The following RPL9 variants were observed in gnomAD, a reference collection of about 807,000 sequenced individuals.
The protein encoded by RPL9 is ribosomal protein L9.
For synonymous variants in RPL9, 82 were observed against 77.1 expected (o/e 1.06, Z -0.33); for missense variants, 149 against 236.7 (o/e 0.63, Z 2.43).
chr4:39,458,570 A>T (rs946835207), intron 1 of RPL9, 130 bp from the exon 2 acceptor site: 4 of 950,774 alleles, frequency 4.2e-6, no homozygotes, highest in Non-Finnish European at 6.4e-6. Flanking sequence ...AGGACGGGAG[A>T]CCGACAGCGG....
intron 4 of RPL9, 36 bp downstream of exon 4, chr4:39,457,550 C>A (rs1368324530): frequency 6.5e-7 from 1 of 1,546,228 alleles, no homozygotes; most frequent in Non-Finnish European, 8.9e-7. Context: ...AGAAACCTCC[C>A]TTTCCAAAAC....
intron 4 of RPL9, 34 bp from the exon 5 acceptor site, chr4:39,456,572 G>C: frequency 6.2e-7 from 1 of 1,602,222 alleles, no homozygotes; most frequent in Non-Finnish European, 8.5e-7. Flanking sequence ...TATTAGCAAT[G>C]CTGAGGAATA....
intron 1 of RPL9, 68 bp from the exon 2 acceptor site, chr4:39,458,508 A>C (rs1744225861): frequency 1.3e-6 from 2 of 1,527,932 alleles, no homozygotes; most frequent in East Asian, 4.5e-5. Context: ...CGCCGCACAG[A>C]GCTCCACTCC....
intron 4 of RPL9, 198 bp downstream of exon 4, chr4:39,457,388 A>C (rs1388229678): frequency 2.2e-6 from 1 of 455,752 alleles, no homozygotes; most frequent in Admixed American, 3.8e-5. Flanking sequence ...GAAAAAAACA[A>C]ACATGTTGTA....
intron 3 of RPL9, chr4:39,457,973 A>C (rs868471356): frequency 7.3e-6 from 5 of 685,676 alleles, no homozygotes; most frequent in South Asian, 3.1e-5. Flanking sequence ...AACACCATTA[A>C]GACGTGTCAC....
intron 4 of RPL9, chr4:39,457,288 G>A (rs1744129810): frequency 3.9e-6 from 1 of 256,132 alleles, no homozygotes; most frequent in Non-Finnish European, 7.5e-6. Flanking sequence ...CAGTACTATG[G>A]GAGGCCAAGG....
chr4:39,455,401 C>T (rs575546900), intron 5 of RPL9: 1 of 154,886 alleles, frequency 6.5e-6, no homozygotes, highest in South Asian at 2.0e-4. Context: ...CCCCTCCCCA[C>T]CCCAATGGAA....
intron 6 of RPL9, 34 bp downstream of exon 6, chr4:39,454,830 T>A: frequency 1.3e-6 from 2 of 1,596,890 alleles, no homozygotes; most frequent in African/African-American, 2.7e-5. Flanking sequence ...GACAAAATCT[T>A]GTAGGCATAG....
intron 5 of RPL9, chr4:39,456,118 A>T (rs1744075457): frequency 7.3e-6 from 3 of 411,914 alleles, no homozygotes; most frequent in Admixed American, 3.6e-5. Flanking sequence ...CACCTTTTGT[A>T]AATTTAAAGT....
In RPL9 at chr4:39,458,104, T is replaced by C. The variant is rs2687958; in HGVS notation, c.162+90A>G. ...CATTTAAAGCTGAAGCACTGAACCT[T>C]AATTCGAAAATTGTTAAAGCAACCA... is the stretch of plus-strand genomic sequence containing the variant. On this transcript the variant is annotated intron_variant, in intron 3 of 7. Coordinates refer to ENST00000295955, the MANE Select transcript of RPL9 (RefSeq NM_000661.5). 891,181 of 1,283,266 alleles carry C rather than the reference T, an allele frequency of 0.69. 311,623 individuals carry two copies. The highest frequency in any genetic ancestry group is 0.78 in the Admixed American group (40,194 of 51,446). The allele number at this position is 1,283,266 out of a possible 1,614,324, so 79.5% of individuals were successfully genotyped here.
chr4:39,454,962 A>G lies in RPL9; in HGVS notation c.392-18T>C. The G allele has an allele frequency of 6.2e-7, 1 of 1,602,364 alleles. No individual in the cohort carries two copies. The highest frequency in any genetic ancestry group is 8.5e-7 in the Non-Finnish European group (1 of 1,171,538). On this transcript the variant is annotated intron_variant, in intron 5 of 7. Transcript: ENST00000295955. ...AGCAACACCTAAAAGGGGAGAGGGC[A>G]TTTGCACAGCATCAAATCTGTGTAA...
At position 39,458,459 on chromosome 4, in the gene RPL9, G is replaced by A; in HGVS notation, c.-1-19C>T. The A allele has an allele frequency of 6.2e-7, 1 of 1,613,558 alleles. No homozygotes were observed. The highest frequency in any genetic ancestry group is 1.1e-5 in the South Asian group (1 of 91,066). ...CTTCATTCTGAAACACAAACACTGG[G>A]GGTGAGGCCGACGCAAGGCCCGTTT... On this transcript the variant is annotated intron_variant, in intron 1 of 7. Transcript: ENST00000295955.
chr4:39,455,052 TTTC>T (rs1302631438), intron 5 of RPL9, 108 bp from the exon 6 acceptor site: 25 of 1,153,334 alleles, frequency 2.2e-5, no homozygotes, highest in Middle Eastern at 2.0e-4. Flanking sequence ...AAAAGAACCT[TTTC>T]TTAAGATTTT....
At chr4:39,456,254 G>T in intron 5 of RPL9, 152 bp downstream of exon 5, 1 of 818,494 alleles carries the variant, frequency 1.2e-6, no homozygotes, top group Non-Finnish European at 2.1e-6. Flanking sequence ...AACAGTTTAA[G>T]TGTAATCAAG....
chr4:39,458,142 T>C lies in RPL9; in HGVS notation c.162+52A>G, dbSNP rs1464730495. On this transcript the variant is annotated intron_variant, in intron 3 of 7. Transcript: ENST00000295955. The stretch of plus-strand genomic sequence containing the variant: ...GTTAAAGCAACCAAATGTGATGCTG[T>C]TATAAACCACCTTCCAACGAGCAAC... 3.2e-6 allele frequency: 5 copies of C among 1,575,748 alleles called. No homozygotes were observed. The East Asian group carries it at 9.0e-5, about 28-fold the overall frequency.
rs777598998 is a variant in RPL9, at chr4:39,456,445, A to G, written c.352T>C (p.Leu118=). 7 of 1,614,196 alleles carry G rather than the reference A, an allele frequency of 4.3e-6. No homozygotes were observed. Among genetic ancestry groups the G allele is most frequent in the African/African-American group, 1.3e-5 (1 of 75,064 alleles). Residue 118 remains leucine, a synonymous_variant, in exon 5 of 8, where the codon TTG becomes CTG. Coordinates refer to ENST00000295955, the MANE Select transcript of RPL9 (RefSeq NM_000661.5). ...ACCCTGCGGATATATTTTTCACCCA[A>G]GAAATTTCGGATTTCAACAAGAGAC... is the stretch of plus-strand genomic sequence containing the variant. ...NGSLVEIRNF[L]GEKYIRRVRM...
rs147466054 is a variant in RPL9 at position 39,458,242 on chromosome 4, G to C, written c.114C>G (p.Phe38Leu). Residue 38 changes from phenylalanine to leucine, a missense_variant, in exon 3 of 8, where the codon TTC becomes TTG. By Grantham distance (22) the Phe-to-Leu change is conservative. Transcript: ENST00000295955. The stretch of plus-strand genomic sequence containing the variant: ...GGCTGAGTTCTACATTGATGTGATT[G>C]AAGTCCCTCCGCAGGGTTCCTCTGG... ...KGPRGTLRRD[F>L]NHINVELSLL... 1 of 1,614,052 alleles carries C rather than the reference G, an allele frequency of 6.2e-7. No individual in the cohort carries two copies. The highest frequency in any genetic ancestry group is 1.1e-5 in the South Asian group (1 of 91,076).
rs2109861556 is a variant in RPL9, at chr4:39,458,876, C to A, written c.-2+15G>T. ...CAGATTCCCAGTACCCCCACGAGCA[C>A]AGAAACATCCTTACCTCGCAGTAGA... On this transcript the variant is annotated intron_variant, in intron 1 of 7. Coordinates refer to ENST00000295955, the MANE Select transcript of RPL9 (RefSeq NM_000661.5). The A allele has an allele frequency of 1.4e-6, 1 of 700,608 alleles. No homozygotes were observed. Among genetic ancestry groups the A allele is most frequent in the South Asian group, 1.5e-5 (1 of 66,832 alleles). 43.4% of individuals were successfully genotyped at this position (700,608 alleles called of 1,614,324 possible). A position where few individuals can be genotyped will look rare whatever the true frequency, so the allele number is the denominator to read the frequency against.
At position 39,458,581 on chromosome 4, in the gene RPL9, G is replaced by T. The variant is rs1744234468; in HGVS notation, c.-1-141C>A. 6.6e-5 allele frequency: 55 copies of T among 838,116 alleles called. 1 individual carries two copies. The South Asian group carries it at 9.0e-4, about 14-fold the overall frequency. 51.9% of individuals were successfully genotyped at this position (838,116 alleles called of 1,614,324 possible). Reference sequence around the variant, plus strand: ...TCGGAGGACGGGAGACCGACAGCGGGCCCCAGTGTGTCCCAGCCTGGAAGG... The same window carrying T: ...TCGGAGGACGGGAGACCGACAGCGGTCCCCAGTGTGTCCCAGCCTGGAAGG... On this transcript the variant is annotated intron_variant, in intron 1 of 7. Transcript: ENST00000295955.
Sources: gnomAD v4.1 joint callset for allele counts on GRCh38, gnomAD v4.1.1 for gene constraint, MANE v1.5 for transcripts, NCBI Gene and HGNC (gene_info 2026-07-23, HGNC 2026-07-21) for gene names.